POLR2F: variants seen among roughly 807,000 people sequenced by gnomAD.
The protein encoded by POLR2F is DNA-directed RNA polymerases I, II, and III subunit RPABC2.
In POLR2F, 12 loss-of-function variants were observed where a neutral mutation model predicts 22.7. The ratio of observed to expected loss-of-function variants is 0.53; its 90% CI spans 0.34 to 0.86. POLR2F has a LOEUF of 0.86. POLR2F is among the 40% of genes least tolerant of loss of function. The pLI is 0.02. For missense variants in POLR2F, 126 were observed against 171.5 expected, an observed-to-expected ratio of 0.73 and a Z score of 1.48; for synonymous variants, 57 against 66.0, an observed-to-expected ratio of 0.86 and a Z score of 0.66.
At chr22:37,959,562 G>C in intron 3 of POLR2F, 86 bp downstream of exon 3, 2 of 1,442,542 alleles carry the variant, frequency 1.4e-6, no homozygotes, top group African/African-American at 1.4e-5. Context: ...CCTGGCACCT[G>C]AAAACAGACT....
At position 37,989,837 on chromosome 22, in the gene POLR2F, C is replaced by T. The variant is rs567777910; in HGVS notation, c.120+3525C>T. On this transcript the variant is annotated intron_variant, in intron 1 of 2. Transcript: ENST00000333418. The stretch of plus-strand genomic sequence containing the variant: ...GCCTGCTCCTGCCTCCTCTCCTTGC[C>T]TGGGCCTTTGGGCCTGCTCCACCTT... Among the ~76,000 whole-genome samples, 9 of 152,336 alleles carry T rather than the reference C, an allele frequency of 5.9e-5. No homozygotes were observed. In the South Asian group the frequency reaches 1.7e-3, roughly 28 times the overall value.
At chr22:37,955,964 C>T (rs377228866) in intron 1 of POLR2F, among the ~76,000 whole-genome samples, 26 of 152,186 alleles carry the variant, frequency 1.7e-4, no homozygotes, top group African/African-American at 1.4e-4. Flanking sequence ...GGATTACAGA[C>T]GTGAGCCACT....
chr22:38,021,466 G>A (rs1184956676), intron 1 of POLR2F, among the ~76,000 whole-genome samples: 1 of 152,164 alleles, frequency 6.6e-6, no homozygotes, highest in Admixed American at 6.6e-5. Flanking sequence ...AATGATCTAA[G>A]CAGCTGTCCC....
intron 3 of POLR2F, among the ~76,000 whole-genome samples, chr22:37,963,115 T>C (rs556390792): frequency 2.6e-5 from 4 of 151,900 alleles, no homozygotes; most frequent in Non-Finnish European, 5.9e-5. Context: ...GCTTCCCGGG[T>C]AGCTGGGATT....
chr22:38,036,501 C>G (rs1023209298), intron 5 of POLR2F, among the ~76,000 whole-genome samples: 1 of 150,336 alleles, frequency 6.7e-6, no homozygotes, highest in Non-Finnish European at 1.5e-5. Context: ...GGAACCTGTC[C>G]TAGAGGAGCA....
At chr22:38,004,883 G>A (rs2084806566) in intron 1 of POLR2F, among the ~76,000 whole-genome samples, 1 of 152,194 alleles carries the variant, frequency 6.6e-6, no homozygotes, top group African/African-American at 2.4e-5. Context: ...GGTAGAGGTT[G>A]CGGTGAGCTG....
chr22:38,039,080 C>T (rs772850410), intron 5 of POLR2F, among the ~76,000 whole-genome samples: 9 of 152,202 alleles, frequency 5.9e-5, no homozygotes, highest in Non-Finnish European at 1.2e-4. Context: ...CCATTTCCCG[C>T]GGCCCTTGCC....
chr22:37,989,067 AC>A (rs2145786271), intron 1 of POLR2F, among the ~76,000 whole-genome samples: 1 of 152,030 alleles, frequency 6.6e-6, no homozygotes, highest in Admixed American at 6.5e-5. Flanking sequence ...TTTCTAGGCC[AC>A]CTCCACCTTT....
intron 3 of POLR2F, among the ~76,000 whole-genome samples, chr22:37,963,416 G>A (rs1420494065): frequency 1.3e-5 from 2 of 152,148 alleles, no homozygotes; most frequent in Non-Finnish European, 2.9e-5. Context: ...CAGCCTCCCA[G>A]GTAGCTAGGA....
chr22:38,019,771 T>A (rs1464485357), intron 1 of POLR2F, among the ~76,000 whole-genome samples: 1 of 152,122 alleles, frequency 6.6e-6, no homozygotes, highest in African/African-American at 2.4e-5. Context: ...TCCCAGCACT[T>A]TGGGAGATGG....
intron 5 of POLR2F, among the ~76,000 whole-genome samples, chr22:38,039,009 C>T (rs113730356): frequency 0.021 from 3,240 of 152,278 alleles, 119 homozygotes; most frequent in African/African-American, 0.074. Context: ...TGGCAGGACC[C>T]TCCCGTCCCC....
intron 5 of POLR2F, among the ~76,000 whole-genome samples, chr22:38,036,266 C>T (rs932837713): frequency 6.6e-6 from 1 of 151,128 alleles, no homozygotes; most frequent in Non-Finnish European, 1.5e-5. Flanking sequence ...TGTGAGCCAC[C>T]GCACCCAGCC....
downstream of POLR2F, chr22:37,970,575 C>G (rs1185724517): frequency 1.5e-5 from 2 of 131,692 alleles, no homozygotes; most frequent in African/African-American, 5.8e-5. Context: ...ACATTGCACT[C>G]CAGCCTGGCA....
rs3026676 is a variant in POLR2F at position 38,035,664 on chromosome 22, C to T, written c.453-5404C>T. Among the ~76,000 whole-genome samples the T allele has an allele frequency of 9.6e-3, 1,457 of 152,312 alleles. 27 individuals carry two copies. Among genetic ancestry groups the T allele is most frequent in the African/African-American group, 0.034 (1,410 of 41,548 alleles). On this transcript the variant is annotated intron_variant, in intron 5 of 5. Coordinates refer to the POLR2F transcript ENST00000407936. ...CACTCTCCAGGTGCTGCCTGACACCCGCAGGCACTTCATATGCATCTGCTT... is the reference window on the plus strand; with the variant it reads ...CACTCTCCAGGTGCTGCCTGACACCTGCAGGCACTTCATATGCATCTGCTT...
intron 3 of POLR2F, among the ~76,000 whole-genome samples, chr22:37,963,217 C>T (rs1434102169): frequency 1.3e-5 from 2 of 151,502 alleles, no homozygotes; most frequent in Non-Finnish European, 2.9e-5. Context: ...TCTTGAACTC[C>T]TGATCTCAGG....
chr22:38,026,900 C>T (rs2145826685), downstream of POLR2F, among the ~76,000 whole-genome samples: 1 of 152,094 alleles, frequency 6.6e-6, no homozygotes, highest in Non-Finnish European at 1.5e-5. Flanking sequence ...CTCTGAGGCT[C>T]CTCTGGCCCT....
At chr22:38,026,292 C>T in exon 3 of POLR2F, 1 of 533,112 alleles carries the variant, frequency 1.9e-6, no homozygotes, top group Non-Finnish European at 3.8e-6. Flanking sequence ...GCTTGCTTGA[C>T]CCAAGCATGG....
intron 3 of POLR2F, 34 bp from the exon 4 acceptor site, chr22:37,967,065 G>A (rs762040911): frequency 1.3e-6 from 2 of 1,531,692 alleles, no homozygotes; most frequent in African/African-American, 2.8e-5. Context: ...CCCTGGGTTT[G>A]TAGTCTCCCT....
intron 1 of POLR2F, among the ~76,000 whole-genome samples, chr22:38,012,694 A>G (rs1198427369): frequency 1.3e-5 from 2 of 151,878 alleles, no homozygotes; most frequent in Admixed American, 6.6e-5. Context: ...CAGTTTCTCT[A>G]TTCTCCTTCC....
Sources: gnomAD v4.1 joint callset for allele counts (sites outside exome capture counted in the v4.1 genomes callset) on GRCh38, gnomAD v4.1.1 for gene constraint, MANE v1.5 for transcripts, NCBI Gene and HGNC (gene_info 2026-07-23, HGNC 2026-07-21) for gene names.